GPC6: variants seen among roughly 807,000 people sequenced by gnomAD.
The protein encoded by GPC6 is glypican-6.
In GPC6, 14 loss-of-function variants were observed where a neutral mutation model predicts 55.2. That is an observed-to-expected ratio of 0.25 (90% confidence interval 0.17 to 0.40). The LOEUF is 0.40. Ranked by LOEUF, GPC6 falls within the 10% of genes least tolerant of loss-of-function variation. GPC6 has a pLI of 1.00. For missense variants in GPC6, 641 were observed against 708.5 expected, an observed-to-expected ratio of 0.90 and a Z score of 1.08; for synonymous variants, 278 against 259.6, an observed-to-expected ratio of 1.07 and a Z score of -0.68.
intron 4 of GPC6, among the ~76,000 whole-genome samples, chr13:94,244,733 C>T (rs925977780): frequency 1.3e-5 from 2 of 151,682 alleles, no homozygotes; most frequent in Non-Finnish European, 2.9e-5. Flanking sequence ...GGCAGAGTAG[C>T]CATGTGATTT....
chr13:93,520,988 T>G (rs1881398257), intron 1 of GPC6, among the ~76,000 whole-genome samples: 1 of 151,960 alleles, frequency 6.6e-6, no homozygotes, highest in Non-Finnish European at 1.5e-5. Flanking sequence ...ACATTATCTT[T>G]TACATTTAAA....
chr13:93,839,297 C>T (rs1801293104), intron 3 of GPC6, among the ~76,000 whole-genome samples: 1 of 152,054 alleles, frequency 6.6e-6, no homozygotes, highest in Admixed American at 6.6e-5. Context: ...ACTGTTTTGC[C>T]ACAAGATACA....
chr13:93,670,264 A>G (rs901605804), intron 2 of GPC6, among the ~76,000 whole-genome samples: 2 of 152,198 alleles, frequency 1.3e-5, no homozygotes, highest in African/African-American at 4.8e-5. Flanking sequence ...AAAGCCTCTT[A>G]AAAAGGCATG....
chr13:93,832,616 G>C (rs546425261), intron 3 of GPC6, among the ~76,000 whole-genome samples: 70 of 152,232 alleles, frequency 4.6e-4, no homozygotes, highest in African/African-American at 1.6e-3. Context: ...AGCCATGAGG[G>C]AGGCTGCTGC....
chr13:94,300,474 T>A (rs1434691904), intron 5 of GPC6, among the ~76,000 whole-genome samples: 1 of 152,156 alleles, frequency 6.6e-6, no homozygotes, highest in Non-Finnish European at 1.5e-5. Context: ...ATAAAATGTT[T>A]CTCCTTTCAG....
intron 3 of GPC6, among the ~76,000 whole-genome samples, chr13:93,945,899 T>C (rs559146372): frequency 6.6e-6 from 1 of 152,348 alleles, no homozygotes; most frequent in African/African-American, 2.4e-5. Context: ...ATTTCATTTG[T>C]TCACCAATGA....
intron 3 of GPC6, among the ~76,000 whole-genome samples, chr13:93,845,930 A>G (rs1888158677): frequency 6.6e-6 from 1 of 151,682 alleles, no homozygotes; most frequent in Non-Finnish European, 1.5e-5. Context: ...ACATGTATAC[A>G]TATGCAACTA....
intron 4 of GPC6, among the ~76,000 whole-genome samples, chr13:94,037,478 T>C (rs1883379934): frequency 6.6e-6 from 1 of 152,012 alleles, no homozygotes; most frequent in East Asian, 1.9e-4. Context: ...CTAGATCTCA[T>C]TAGGAAAACA....
intron 1 of GPC6, among the ~76,000 whole-genome samples, chr13:93,313,223 C>G (rs1879133264): frequency 6.6e-6 from 1 of 152,080 alleles, no homozygotes; most frequent in African/African-American, 2.4e-5. Flanking sequence ...ACAACTCAAA[C>G]CAACCAAACA....
At chr13:94,061,278 AC>A (rs953608102) in intron 4 of GPC6, among the ~76,000 whole-genome samples, 1 of 152,208 alleles carries the variant, frequency 6.6e-6, no homozygotes, top group African/African-American at 2.4e-5. Context: ...CCATCTTAGT[AC>A]TACAAAATCA....
chr13:93,492,299 C>G (rs1205743051), intron 1 of GPC6, among the ~76,000 whole-genome samples: 161 of 140,130 alleles, frequency 1.1e-3, no homozygotes, highest in Middle Eastern at 7.6e-3. Flanking sequence ...AATGGGAGTT[C>G]ACTCATGATT....
intron 5 of GPC6, among the ~76,000 whole-genome samples, chr13:94,293,041 G>A (rs1241899686): frequency 2.6e-5 from 4 of 152,122 alleles, no homozygotes; most frequent in African/African-American, 4.8e-5. Context: ...TTATATGTAT[G>A]TATACATTTT....
chr13:93,766,978 A>AT (rs993689710), intron 2 of GPC6, among the ~76,000 whole-genome samples: 22 of 148,678 alleles, frequency 1.5e-4, no homozygotes, highest in East Asian at 3.9e-4. Flanking sequence ...AATGCACTTA[A>AT]TTTTTTTTTT....
intron 1 of GPC6, among the ~76,000 whole-genome samples, chr13:93,250,540 T>C (rs1335302265): frequency 6.6e-6 from 1 of 152,176 alleles, no homozygotes; most frequent in African/African-American, 2.4e-5. Flanking sequence ...CCAGCCTTGA[T>C]CACTTGGCAT....
chr13:93,871,975 G>A (rs915677923), intron 3 of GPC6, among the ~76,000 whole-genome samples: 4 of 151,498 alleles, frequency 2.6e-5, no homozygotes, highest in African/African-American at 9.7e-5. Flanking sequence ...TAGATAAGAG[G>A]CACAAAAGAA....
At position 93,545,432 on chromosome 13, in the gene GPC6, T is replaced by C; in HGVS notation, c.319+11T>C. ...ATAAGAAATTTGACGGTAGGTGAAA[T>C]GGTTTTCACTTCAGTTTGTTATAGG... On this transcript the variant is annotated intron_variant, in intron 2 of 8. Transcript: ENST00000377047. The C allele has an allele frequency of 1.9e-6, 3 of 1,608,586 alleles. No homozygotes were observed. Among genetic ancestry groups the C allele is most frequent in the South Asian group, 2.2e-5 (2 of 90,964 alleles).
At chr13:93,876,850 C>A (rs985238022) in intron 3 of GPC6, among the ~76,000 whole-genome samples, 2 of 152,010 alleles carry the variant, frequency 1.3e-5, no homozygotes, top group Non-Finnish European at 2.9e-5. Flanking sequence ...ATGGTTTTCA[C>A]AAGTTGATCC....
intron 2 of GPC6, among the ~76,000 whole-genome samples, chr13:93,813,832 A>G (rs1886770487): frequency 1.3e-5 from 2 of 152,008 alleles, no homozygotes; most frequent in South Asian, 4.2e-4. Context: ...CTTTTATACT[A>G]CCTTGCAAAA....
At chr13:94,083,489 C>A (rs1019644887) in intron 4 of GPC6, among the ~76,000 whole-genome samples, 4 of 152,146 alleles carry the variant, frequency 2.6e-5, no homozygotes, top group Admixed American at 6.6e-5. Flanking sequence ...TATTCTCTGT[C>A]CCATTCCCAT....
Sources: allele counts gnomAD v4.1 joint callset (sites outside exome capture counted in the v4.1 genomes callset), GRCh38; gene constraint gnomAD v4.1.1; transcripts MANE v1.5; gene names NCBI Gene and HGNC (gene_info 2026-07-23, HGNC 2026-07-21).